The following XKR4 variants were observed in gnomAD, a reference collection of about 807,000 sequenced individuals.
The protein encoded by XKR4 is XK related 4.
In XKR4, 12 loss-of-function variants were observed where a neutral mutation model predicts 53.9. That is an observed-to-expected ratio of 0.22 (90% CI 0.14 to 0.36). XKR4 has a LOEUF of 0.36. XKR4 is among the 10% of genes least tolerant of loss of function. The pLI, the probability that XKR4 is intolerant of heterozygous loss-of-function variation, is 1.00. For missense variants in XKR4, 799 were observed against 859.5 expected (o/e 0.93, Z 0.88); for synonymous variants, 354 against 362.4 (o/e 0.98, Z 0.26).
chr8:55,462,734 C>T (rs1354889174), intron 2 of XKR4, among the ~76,000 whole-genome samples: 1 of 152,138 alleles, frequency 6.6e-6, no homozygotes, highest in African/African-American at 2.4e-5. Flanking sequence ...AAACCCATCT[C>T]ACGTGCAGAG....
chr8:55,443,765 C>T (rs1352313371), intron 2 of XKR4, among the ~76,000 whole-genome samples: 1 of 146,098 alleles, frequency 6.8e-6, no homozygotes, highest in African/African-American at 2.5e-5. Flanking sequence ...CACTTGAATC[C>T]AGGAGGCGGA....
intron 1 of XKR4, chr8:55,164,124 G>A (rs1455901890): frequency 2.2e-6 from 1 of 451,552 alleles, no homozygotes; most frequent in South Asian, 1.6e-5. Flanking sequence ...GCAGACCACA[G>A]CCCCAGACCA....
chr8:55,358,783 T>C (rs972801573), intron 2 of XKR4, among the ~76,000 whole-genome samples: 1 of 152,254 alleles, frequency 6.6e-6, no homozygotes, highest in Admixed American at 6.5e-5. Flanking sequence ...AGGGCCTCTG[T>C]GCGCCCCTCT....
chr8:55,303,704 C>G (rs10958455), intron 1 of XKR4, among the ~76,000 whole-genome samples: 8,412 of 152,178 alleles, frequency 0.055, 311 homozygotes, highest in African/African-American at 0.1. Context: ...AGAGATTCAA[C>G]TTCTTCCTGG....
chr8:55,493,232 A>G (rs1806295456), intron 2 of XKR4, among the ~76,000 whole-genome samples: 1 of 152,224 alleles, frequency 6.6e-6, no homozygotes, highest in African/African-American at 2.4e-5. Context: ...AAGATGAGAA[A>G]CATCAGAAAA....
At chr8:55,175,542 C>T (rs1189833019) in intron 1 of XKR4, among the ~76,000 whole-genome samples, 1 of 152,122 alleles carries the variant, frequency 6.6e-6, no homozygotes, top group Admixed American at 6.5e-5. Flanking sequence ...ACTGAAGAAA[C>T]CTTATTTAGG....
At chr8:55,253,870 G>A (rs1019494112) in intron 1 of XKR4, among the ~76,000 whole-genome samples, 2 of 151,430 alleles carry the variant, frequency 1.3e-5, no homozygotes, top group Non-Finnish European at 2.9e-5. Flanking sequence ...GTAAGTGCAC[G>A]TCACCATGCC....
intron 1 of XKR4, among the ~76,000 whole-genome samples, chr8:55,122,634 C>A (rs1236033223): frequency 6.6e-6 from 1 of 152,134 alleles, no homozygotes; most frequent in Non-Finnish European, 1.5e-5. Flanking sequence ...GTTAAAGAAT[C>A]ACGTTTTCGT....
At chr8:55,500,288 C>A (rs1217936742) in intron 2 of XKR4, among the ~76,000 whole-genome samples, 1 of 150,360 alleles carries the variant, frequency 6.7e-6, no homozygotes, top group Non-Finnish European at 1.5e-5. Context: ...TTTATTTTTT[C>A]TCCATATTTC....
intron 2 of XKR4, chr8:55,454,741 G>T (rs570631084): frequency 7.5e-6 from 6 of 795,204 alleles, no homozygotes; most frequent in South Asian, 1.4e-5. Context: ...GAACACCTCC[G>T]CATGGTCAAG....
Position 55,437,954 on chromosome 8 carries a change from C to CAA in XKR4, c.1006+80088_1006+80089dup, listed in dbSNP as rs201207328. Among the ~76,000 whole-genome samples, 35 of 127,656 alleles carry CAA rather than the reference C, an allele frequency of 2.7e-4. 2 individuals are homozygous for CAA. In the South Asian group the frequency reaches 8.3e-3, roughly 30 times the overall value. 83.7% of individuals were successfully genotyped at this position (127,656 alleles called of 152,430 possible). ...TGTGCAGGTCCTCCAAACAAACAAA[C>CAA]AAAAAAAAAAAAGAAGAAGAAGAAG... On this transcript the variant is annotated intron_variant, in intron 2 of 2. Coordinates refer to ENST00000327381, the MANE Select transcript of XKR4 (RefSeq NM_052898.2).
At chr8:55,216,465 C>T (rs755861479) in intron 1 of XKR4, among the ~76,000 whole-genome samples, 50 of 152,108 alleles carry the variant, frequency 3.3e-4, no homozygotes, top group Non-Finnish European at 6.2e-4. Flanking sequence ...TGGTGGCTCA[C>T]GCCTGTAATC....
chr8:55,175,801 TTAAAA>T (rs1356656959), intron 1 of XKR4, among the ~76,000 whole-genome samples: 1 of 152,228 alleles, frequency 6.6e-6, no homozygotes, highest in Non-Finnish European at 1.5e-5. Context: ...GTAATAATAC[TTAAAA>T]TAAATAGTAA....
At chr8:55,148,808 G>C (rs565280482) in intron 1 of XKR4, among the ~76,000 whole-genome samples, 4 of 152,132 alleles carry the variant, frequency 2.6e-5, no homozygotes, top group Non-Finnish European at 4.4e-5. Context: ...CTATTTTAAG[G>C]TCGATGTTGT....
In XKR4 at chr8:55,525,113, T is replaced by G. The variant is rs1211612308; in HGVS notation, c.*886T>G. ...GATTCCCAGGCATGTGCAGCGCCCATTGGGACATAACGGCAGTGCGGCGCG... is the reference window on the plus strand; with the variant it reads ...GATTCCCAGGCATGTGCAGCGCCCAGTGGGACATAACGGCAGTGCGGCGCG... On this transcript the variant is annotated 3_prime_UTR_variant, in exon 3 of 3. Transcript: ENST00000327381. 1 of 152,582 alleles carries G rather than the reference T, an allele frequency of 6.6e-6. No individual in the cohort carries two copies. The highest frequency in any genetic ancestry group is 2.4e-5 in the African/African-American group (1 of 41,444). 9.5% of individuals were successfully genotyped at this position (152,582 alleles called of 1,614,324 possible).
intron 1 of XKR4, among the ~76,000 whole-genome samples, chr8:55,333,855 A>G (rs1044247760): frequency 6.6e-6 from 1 of 152,124 alleles, no homozygotes; most frequent in Non-Finnish European, 1.5e-5. Context: ...CACATCAAGG[A>G]GGGGATGGGG....
intron 1 of XKR4, among the ~76,000 whole-genome samples, chr8:55,120,651 A>G (rs1052252199): frequency 6.6e-6 from 1 of 151,922 alleles, no homozygotes. Flanking sequence ...CCCACCCACC[A>G]TTTCCAGTTT....
chr8:55,504,302 T>C (rs1335029432), intron 2 of XKR4, among the ~76,000 whole-genome samples: 5 of 151,814 alleles, frequency 3.3e-5, no homozygotes, highest in African/African-American at 1.2e-4. Flanking sequence ...AACCTCCACC[T>C]CCCTGGCTCA....
At chr8:55,331,372 A>T (rs187808115) in intron 1 of XKR4, among the ~76,000 whole-genome samples, 1 of 152,348 alleles carries the variant, frequency 6.6e-6, no homozygotes, top group African/African-American at 2.4e-5. Context: ...GTGTCCTAAC[A>T]TATGGTCTGT....
Sources: gnomAD v4.1 joint callset for allele counts (sites outside exome capture counted in the v4.1 genomes callset) on GRCh38, gnomAD v4.1.1 for gene constraint, MANE v1.5 for transcripts, NCBI Gene and HGNC (gene_info 2026-07-23, HGNC 2026-07-21) for gene names.